The following MARCKS variants were observed in gnomAD, a reference collection of about 807,000 sequenced individuals.
The protein encoded by MARCKS is myristoylated alanine-rich C-kinase substrate.
MARCKS carries 4 observed loss-of-function variants against 6.3 expected under a neutral mutation model. The observed-to-expected ratio is 0.63, with a 90% confidence interval of 0.31 to 1.45. The LOEUF is 1.45. MARCKS is among the 40% of genes most tolerant of loss of function. The pLI is 0.07. For missense variants in MARCKS, 636 were observed against 485.7 expected, an observed-to-expected ratio of 1.31 and a Z score of -2.91; for synonymous variants, 289 against 236.5, an observed-to-expected ratio of 1.22 and a Z score of -2.04.
At position 113,857,695 on chromosome 6, in the gene MARCKS, T is replaced by A; in HGVS notation, c.-51T>A. 1 of 1,357,686 alleles carries A rather than the reference T, an allele frequency of 7.4e-7. No homozygotes were observed. Among genetic ancestry groups the A allele is most frequent in the Non-Finnish European group, 1.0e-6 (1 of 1,002,260 alleles). The allele number at this position is 1,357,686 out of a possible 1,614,324, so 84.1% of individuals were successfully genotyped here. A position where few individuals can be genotyped will look rare whatever the true frequency, so the allele number is the denominator to read the frequency against. ...CCCCGTCGTTACACCAACCCGAGGCTCTTTGTTTCCCCTCTTGGATCTGTT... is the reference window on the plus strand; with the variant it reads ...CCCCGTCGTTACACCAACCCGAGGCACTTTGTTTCCCCTCTTGGATCTGTT... On this transcript the variant is annotated 5_prime_UTR_variant, in exon 1 of 2. Transcript: ENST00000612661.
In MARCKS at chr6:113,859,932, T is replaced by C; in HGVS notation, c.352T>C (p.Ser118Pro). ...PAEGEAAEPG[S>P]PTAAEGEAAS... ...GGAAGGCGAGGCTGCCGAGCCCGGCTCGCCCACGGCCGCGGAGGGAGAGGC... is the reference window on the plus strand; with the variant it reads ...GGAAGGCGAGGCTGCCGAGCCCGGCCCGCCCACGGCCGCGGAGGGAGAGGC... Residue 118 changes from serine to proline, a missense_variant, in exon 2 of 2, where the codon TCG becomes CCG. Coordinates refer to ENST00000612661, the MANE Select transcript of MARCKS (RefSeq NM_002356.7). 1.4e-6 allele frequency: 2 copies of C among 1,474,172 alleles called. No homozygotes were observed. Among genetic ancestry groups the C allele is most frequent in the Non-Finnish European group, 1.8e-6 (2 of 1,117,182 alleles). 91.3% of individuals were successfully genotyped at this position (1,474,172 alleles called of 1,614,324 possible). A position where few individuals can be genotyped will look rare whatever the true frequency, so the allele number is the denominator to read the frequency against.
Position 113,860,194 on chromosome 6 carries a change from C to A in MARCKS, c.614C>A (p.Ala205Asp), listed in dbSNP as rs1774868427. The change falls in exon 2 of 2, where the codon GCC becomes GAC. Residue 205 changes from alanine (A) to aspartate (D), a missense_variant. Ala to Asp is a moderately radical substitution (Grantham distance 126). Coordinates refer to ENST00000612661, the MANE Select transcript of MARCKS (RefSeq NM_002356.7). ...GCCGGGGGCGCAGCTGCGGCCGCCG[C>A]CGAGGCGGGCGCGGCCTCCGGGGAG... is the stretch of plus-strand genomic sequence containing the variant. ...EAAGGAAAAA[A>D]EAGAASGEQA... is the part of the protein sequence containing the mutation. The A allele has an allele frequency of 5.2e-6, 6 of 1,153,760 alleles. No individual in the cohort carries two copies. Among genetic ancestry groups the A allele is most frequent in the Admixed American group, 9.9e-5 (2 of 20,228 alleles). 71.5% of individuals were successfully genotyped at this position (1,153,760 alleles called of 1,614,324 possible).
At chr6:113,859,225 T>C (rs1321579748) in intron 1 of MARCKS, among the ~76,000 whole-genome samples, 1 of 152,172 alleles carries the variant, frequency 6.6e-6, no homozygotes, top group Non-Finnish European at 1.5e-5. Context: ...AAGAGGCCTT[T>C]ATGTATTTAG....
At position 113,857,900 on chromosome 6, in the gene MARCKS, C is replaced by G. The variant is rs995320967; in HGVS notation, c.102+53C>G. On this transcript the variant is annotated intron_variant, in intron 1 of 1. Coordinates refer to ENST00000612661, the MANE Select transcript of MARCKS (RefSeq NM_002356.7). The stretch of plus-strand genomic sequence containing the variant: ...TTATTTCGTGTCTTTCTCTCCTTCC[C>G]TCCTGGTGGCTCCCAAGGCTCATTC... 7.9e-6 allele frequency: 11 copies of G among 1,398,462 alleles called. No individual in the cohort carries two copies. In the Admixed American group the frequency reaches 2.2e-4, roughly 27 times the overall value. The allele number at this position is 1,398,462 out of a possible 1,614,324, so 86.6% of individuals were successfully genotyped here. A position where few individuals can be genotyped will look rare whatever the true frequency, so the allele number is the denominator to read the frequency against.
In MARCKS at chr6:113,860,293, A is replaced by AGCCCCAGGAGGCCGC; in HGVS notation, c.714_728dup (p.Pro239_Ala243dup). 1 of 1,258,420 alleles carries AGCCCCAGGAGGCCGC rather than the reference A, an allele frequency of 7.9e-7. No homozygotes were observed. The highest frequency in any genetic ancestry group is 1.0e-6 in the Non-Finnish European group (1 of 976,588). 78.0% of individuals were successfully genotyped at this position (1,258,420 alleles called of 1,614,324 possible). A position where few individuals can be genotyped will look rare whatever the true frequency, so the allele number is the denominator to read the frequency against. ...GCGGGTGGCGACCCGCAGGAGGCCA[A>AGCCCCAGGAGGCCGC]GCCCCAGGAGGCCGCTGTCGCGCCA... On this transcript the variant is annotated inframe_insertion, in exon 2 of 2. Transcript: ENST00000612661.
chr6:113,860,180 AGCTGCGGCCGCCGCCGAGGCGGGCGCG>A lies in MARCKS; in HGVS notation c.603_629del (p.Ala202_Ala210del), dbSNP rs1434649848. 33 of 1,236,880 alleles carry A rather than the reference AGCTGCGGCCGCCGCCGAGGCGGGCGCG, an allele frequency of 2.7e-5. No individual in the cohort carries two copies. The highest frequency in any genetic ancestry group is 4.2e-5 in the Admixed American group (1 of 23,914). The allele number at this position is 1,236,880 out of a possible 1,614,324, so 76.6% of individuals were successfully genotyped here. On this transcript the variant is annotated inframe_deletion, in exon 2 of 2. Transcript: ENST00000612661. ...GCAAGGACGAGGCCGCCGGGGGCGC[AGCTGCGGCCGCCGCCGAGGCGGGCGCG>A]GCCTCCGGGGAGCAGGCAGCGGCGC... is the stretch of plus-strand genomic sequence containing the variant.
In MARCKS at chr6:113,861,977, T is replaced by TA. The variant is rs1189233627; in HGVS notation, c.*1399dup. The TA allele has an allele frequency of 4.4e-4, 4 of 9,034 alleles. No individual in the cohort carries two copies. The highest frequency in any genetic ancestry group is 0.036 in the East Asian group (1 of 28). 0.6% of individuals were successfully genotyped at this position (9,034 alleles called of 1,614,324 possible). A position where few individuals can be genotyped will look rare whatever the true frequency, so the allele number is the denominator to read the frequency against. On this transcript the variant is annotated 3_prime_UTR_variant, in exon 2 of 2. Transcript: ENST00000612661. ...TGTCAGATTACGTAGAGGAAGATCTTACAACATTTCCATGTCAAATCTGTT... is the reference window on the plus strand; with the variant it reads ...TGTCAGATTACGTAGAGGAAGATCTTAACAACATTTCCATGTCAAATCTGTT...
intron 1 of MARCKS, among the ~76,000 whole-genome samples, chr6:113,859,130 T>C (rs1008477329): frequency 6.6e-6 from 1 of 152,238 alleles, no homozygotes; most frequent in Middle Eastern, 3.4e-3. Context: ...GCCAAAGGCC[T>C]GGGTGGGCGC....
chr6:113,860,044 AG>A lies in MARCKS; in HGVS notation c.465del (p.Lys156SerfsTer11). ...SPSNETPKKKKKRFSFKKSFK... is the reference protein window; with the variant it reads ...SPSNETPKKKXKRFSFKKSFK... ...AGCAACGAGACCCCGAAAAAAAAAA[AG>A]AAGCGCTTTTCCTTCAAGAAGTCTT... is the stretch of plus-strand genomic sequence containing the variant. On this transcript the variant is annotated frameshift_variant, in exon 2 of 2. Coordinates refer to ENST00000612661, the MANE Select transcript of MARCKS (RefSeq NM_002356.7). LOFTEE classifies it low-confidence loss of function (END_TRUNC). 2 of 1,572,958 alleles carry A rather than the reference AG, an allele frequency of 1.3e-6. No individual in the cohort carries two copies. The highest frequency in any genetic ancestry group is 1.8e-5 in the Admixed American group (1 of 55,632).
intron 1 of MARCKS, among the ~76,000 whole-genome samples, chr6:113,858,933 G>T (rs1180390760): frequency 6.6e-6 from 1 of 152,218 alleles, no homozygotes; most frequent in East Asian, 1.9e-4. Context: ...GTTTCAGCCC[G>T]ACCGGCAGGC....
At chr6:113,858,147 G>A (rs891111130) in intron 1 of MARCKS, among the ~76,000 whole-genome samples, 1 of 152,048 alleles carries the variant, frequency 6.6e-6, no homozygotes, top group African/African-American at 2.4e-5. Context: ...TCCTTCCCCC[G>A]CCCCCAGCCA....
Position 113,859,718 on chromosome 6 carries a change from G to C in MARCKS, c.138G>C (p.Ser46=). ...NGHVKVNGDA[S]PAAAESGAKE... is the part of the protein sequence containing the mutation. ...ACGTGAAGGTAAACGGCGACGCTTC[G>C]CCCGCGGCCGCCGAGTCGGGCGCCA... The change falls in exon 2 of 2, where the codon TCG becomes TCC. Residue 46 remains serine, a synonymous_variant. Transcript: ENST00000612661. 2.7e-6 allele frequency: 4 copies of C among 1,503,364 alleles called. No homozygotes were observed. Among genetic ancestry groups the C allele is most frequent in the South Asian group, 1.2e-5 (1 of 80,512 alleles). 93.1% of individuals were successfully genotyped at this position (1,503,364 alleles called of 1,614,324 possible).
At chr6:113,859,546 C>T (rs1774842802) in intron 1 of MARCKS, 137 bp from the exon 2 acceptor site, 2 of 719,460 alleles carry the variant, frequency 2.8e-6, no homozygotes, top group Admixed American at 8.9e-5. Flanking sequence ...CGCCTCCCTC[C>T]CCACAACGGC....
At position 113,861,302 on chromosome 6, in the gene MARCKS, G is replaced by A. The variant is rs1454981581; in HGVS notation, c.*723G>A. On this transcript the variant is annotated 3_prime_UTR_variant, in exon 2 of 2. Coordinates refer to ENST00000612661, the MANE Select transcript of MARCKS (RefSeq NM_002356.7). ...CAGTGATTAAGTAGAACTACAAGTTGTATAGGCTTTATTGTTTATTGCTGG... is the reference window on the plus strand; with the variant it reads ...CAGTGATTAAGTAGAACTACAAGTTATATAGGCTTTATTGTTTATTGCTGG... The A allele has an allele frequency of 6.6e-6, 1 of 152,566 alleles. No homozygotes were observed. Among genetic ancestry groups the A allele is most frequent in the East Asian group, 1.9e-4 (1 of 5,184 alleles). The allele number at this position is 152,566 out of a possible 1,614,324, so 9.5% of individuals were successfully genotyped here. A position where few individuals can be genotyped will look rare whatever the true frequency, so the allele number is the denominator to read the frequency against.
chr6:113,857,438 T>G lies in MARCKS; in HGVS notation c.-308T>G. On this transcript the variant is annotated 5_prime_UTR_variant, in exon 1 of 2. Transcript: ENST00000612661. ...AGTGCGGCTACAAATCTGGGATTTT[T>G]TTATTACTTCTTTTTTTTTCGAACT... 3.1e-6 allele frequency: 1 copy of G among 325,382 alleles called. No individual in the cohort carries two copies. Among genetic ancestry groups the G allele is most frequent in the South Asian group, 3.1e-5 (1 of 32,258 alleles). The allele number at this position is 325,382 out of a possible 1,614,324, so 20.2% of individuals were successfully genotyped here.
In MARCKS at chr6:113,860,210, C is replaced by G; in HGVS notation, c.630C>G (p.Ala210=). 1.8e-6 allele frequency: 2 copies of G among 1,107,968 alleles called. No individual in the cohort carries two copies. Among genetic ancestry groups the G allele is most frequent in the South Asian group, 8.1e-5 (2 of 24,558 alleles). 68.6% of individuals were successfully genotyped at this position (1,107,968 alleles called of 1,614,324 possible). A position where few individuals can be genotyped will look rare whatever the true frequency, so the allele number is the denominator to read the frequency against. The change falls in exon 2 of 2, where the codon GCC becomes GCG. Residue 210 remains alanine, a synonymous_variant. Transcript: ENST00000612661. ...CGGCCGCCGCCGAGGCGGGCGCGGCCTCCGGGGAGCAGGCAGCGGCGCCGG... is the reference window on the plus strand; with the variant it reads ...CGGCCGCCGCCGAGGCGGGCGCGGCGTCCGGGGAGCAGGCAGCGGCGCCGG... ...AAAAAAEAGA[A]SGEQAAAPGE...
chr6:113,859,577 C>A, intron 1 of MARCKS, 106 bp from the exon 2 acceptor site: 1 of 1,037,138 alleles, frequency 9.6e-7, no homozygotes, highest in Non-Finnish European at 1.3e-6. Flanking sequence ...TCTCGATGGC[C>A]ACAGGGGCCT....
chr6:113,860,364 A>T lies in MARCKS; in HGVS notation c.784A>T (p.Ser262Cys). Reference sequence around the variant, plus strand: ...CGAGACCAAGGCCGCCGAGGAGCCCAGCAAGGTGGAGGAGAAAAAGGCCGA... The same window carrying T: ...CGAGACCAAGGCCGCCGAGGAGCCCTGCAAGGTGGAGGAGAAAAAGGCCGA... Reference protein sequence around the residue: ...SDETKAAEEPSKVEEKKAEEA... With the variant: ...SDETKAAEEPCKVEEKKAEEA... The change falls in exon 2 of 2, where the codon AGC (serine) becomes TGC (cysteine). Residue 262 changes from serine to cysteine, a missense_variant. Transcript: ENST00000612661. 7.8e-7 allele frequency: 1 copy of T among 1,290,174 alleles called. No individual in the cohort carries two copies. Among genetic ancestry groups the T allele is most frequent in the Non-Finnish European group, 1.0e-6 (1 of 992,456 alleles). The allele number at this position is 1,290,174 out of a possible 1,614,324, so 79.9% of individuals were successfully genotyped here.
chr6:113,857,821 T>A lies in MARCKS; in HGVS notation c.76T>A (p.Ser26Thr), dbSNP rs375785979. The A allele has an allele frequency of 5.0e-6, 8 of 1,605,448 alleles. No homozygotes were observed. In the African/African-American group the frequency reaches 9.4e-5, roughly 19 times the overall value. The change falls in exon 1 of 2, where the codon TCG (serine) becomes ACG (threonine). Residue 26 changes from serine (S) to threonine (T), a missense_variant. Physicochemically the swap from Ser to Thr is moderately conservative, Grantham distance 58. Coordinates refer to ENST00000612661, the MANE Select transcript of MARCKS (RefSeq NM_002356.7). ...AERPGEAAVA[S>T]SPSKANGQEN... ...GAGGCCTGGGGAGGCGGCTGTGGCC[T>A]CGTCGCCTTCCAAAGCGAACGGACA...
Sources: gnomAD v4.1 joint callset for allele counts (sites outside exome capture counted in the v4.1 genomes callset) on GRCh38, gnomAD v4.1.1 for gene constraint, MANE v1.5 for transcripts, NCBI Gene and HGNC (gene_info 2026-07-23, HGNC 2026-07-21) for gene names.